The following CYP2A6 variants were observed in gnomAD, a reference collection of about 807,000 sequenced individuals.
The protein encoded by CYP2A6 is cytochrome P450 family 2 subfamily A member 6.
CYP2A6 carries 27 observed loss-of-function variants against 42.3 expected under a neutral mutation model. That is an observed-to-expected ratio of 0.64 (90% confidence interval 0.47 to 0.88). The LOEUF is 0.88. Ranked by LOEUF, CYP2A6 falls within the 40% of genes least tolerant of loss-of-function variation. The pLI, the probability that CYP2A6 is intolerant of heterozygous loss-of-function variation, is 0.00. For synonymous variants in CYP2A6, 238 were observed against 246.3 expected, an observed-to-expected ratio of 0.97 and a Z score of 0.31; for missense variants, 628 against 646.0, an observed-to-expected ratio of 0.97 and a Z score of 0.30.
Position 40,845,302 on chromosome 19 carries a change from G to A in CYP2A6, c.1153C>T (p.Leu385Phe), listed in dbSNP as rs369136003. The A allele has an allele frequency of 3.4e-5, 54 of 1,611,472 alleles. 1 individual carries two copies. Among genetic ancestry groups the A allele is most frequent in the Middle Eastern group, 1.6e-4 (1 of 6,080 alleles). ...KKDTKFRDFF[L>F]PKGTEVYPML... ...GTGGGGGCGGATAGCACCTTAGGGA[G>A]GAAGAAATCCCGAAACTTGGTGTCC... Residue 385 changes from leucine to phenylalanine, a missense_variant, in exon 7 of 9, where the codon CTC (leucine) becomes TTC (phenylalanine). Physicochemically the swap from Leu to Phe is conservative, Grantham distance 22. This residue lies in a region of CYP2A6 where 606 missense variants were observed against 568.1 expected (regional missense o/e 1.07). Transcript: ENST00000301141.
At chr19:40,844,188 T>A (rs2083444378) in intron 8 of CYP2A6, among the ~76,000 whole-genome samples, 1 of 151,048 alleles carries the variant, frequency 6.6e-6, no homozygotes, top group Non-Finnish European at 1.5e-5. Context: ...ATATTATTAC[T>A]AACAAAGTCC....
intron 2 of CYP2A6, among the ~76,000 whole-genome samples, chr19:40,849,085 A>AGAGAGAGG (rs1967173918): frequency 6.8e-6 from 1 of 147,376 alleles, no homozygotes; most frequent in Non-Finnish European, 1.5e-5. Context: ...AGAGAGAGAG[A>AGAGAGAGG]GAGACCAGGT....
At position 40,846,953 on chromosome 19, in the gene CYP2A6, C is replaced by T. The variant is rs374784083; in HGVS notation, c.753G>A (p.Lys251=). Residue 251 remains lysine, a synonymous_variant, in exon 5 of 9, where the codon AAG becomes AAA. Transcript: ENST00000301141. ...CCAGCGTGCGCTGGTTGTGCTCCAC[C>T]TTCTTGGCTATGAAGTCCTCCAGCC... ...LQGLEDFIAK[K]VEHNQRTLDP... 4 of 1,612,120 alleles carry T rather than the reference C, an allele frequency of 2.5e-6. No homozygotes were observed. The South Asian group carries it at 3.3e-5, about 13-fold the overall frequency.
chr19:40,845,700 G>A (rs2316213), intron 6 of CYP2A6, among the ~76,000 whole-genome samples: 8 of 151,468 alleles, frequency 5.3e-5, no homozygotes, highest in African/African-American at 1.2e-4. Context: ...GGAACTTAGG[G>A]GATGACCCGG....
At chr19:40,849,448 G>T (rs569849001) in intron 2 of CYP2A6, among the ~76,000 whole-genome samples, 1 of 151,342 alleles carries the variant, frequency 6.6e-6, no homozygotes, top group African/African-American at 2.4e-5. Context: ...AAAGGGATGC[G>T]GAGAGATGAG....
At position 40,845,408 on chromosome 19, in the gene CYP2A6, C is replaced by T. The variant is rs1312235764; in HGVS notation, c.1047G>A (p.Met349Ile). The T allele has an allele frequency of 1.2e-5, 19 of 1,611,622 alleles. No individual in the cohort carries two copies. The highest frequency in any genetic ancestry group is 1.7e-5 in the Admixed American group (1 of 59,964). ...RQPKFEDRAK[M>I]PYMEAVIHEI... ...CGTGGATCACTGCCTCCATGTAGGG[C>T]ATCTTGGCCCGGTCCTCAAACTTGG... The change falls in exon 7 of 9, where the codon ATG becomes ATA. Residue 349 changes from methionine (M) to isoleucine (I), a missense_variant. Physicochemically the swap from Met to Ile is conservative, Grantham distance 10 (BLOSUM62 1). Around this residue, in one of 2 missense-constraint regions of CYP2A6, gnomAD observed 606 missense variants for 568.1 expected, o/e 1.07. Transcript: ENST00000301141.
chr19:40,847,752 G>C lies in CYP2A6; in HGVS notation c.654+467C>G, dbSNP rs544984580. On this transcript the variant is annotated intron_variant, in intron 4 of 8. Coordinates refer to ENST00000301141, the MANE Select transcript of CYP2A6 (RefSeq NM_000762.6). ...GGGTGAAGTAGAGGGCGCTTGGCCA[G>C]ATATTCCAGTGGGCTAATCTGGGAC... 3.3e-3 allele frequency among the ~76,000 whole-genome samples: 508 copies of C among 151,834 alleles called. 16 individuals are homozygous for C. The highest frequency in any genetic ancestry group is 0.012 in the African/African-American group (499 of 41,378).
chr19:40,849,126 GAA>G, intron 2 of CYP2A6, among the ~76,000 whole-genome samples: 2 of 139,826 alleles, frequency 1.4e-5, no homozygotes, highest in South Asian at 4.8e-4. Flanking sequence ...AAAAGAAACA[GAA>G]AGGCCAGACA....
intron 6 of CYP2A6, 118 bp from the exon 7 acceptor site, chr19:40,845,599 A>C: frequency 6.8e-7 from 1 of 1,474,858 alleles, no homozygotes; most frequent in Non-Finnish European, 9.1e-7. Context: ...GAAGTAGAGC[A>C]TTCATAACAG....
In CYP2A6 at chr19:40,846,069, T is replaced by G. The variant is rs376990868; in HGVS notation, c.860A>C (p.Tyr287Ser). The G allele has an allele frequency of 1.6e-5, 25 of 1,611,452 alleles. 1 individual carries two copies. The highest frequency in any genetic ancestry group is 2.1e-5 in the Non-Finnish European group (25 of 1,179,856). The change falls in exon 6 of 9, where the codon TAC becomes TCC. Residue 287 changes from tyrosine to serine, a missense_variant. Tyr to Ser is a moderately radical substitution (Grantham distance 144). Around this residue, in one of 2 missense-constraint regions of CYP2A6, gnomAD observed 606 missense variants for 568.1 expected, o/e 1.07. Transcript: ENST00000301141. ...EEEKNPNTEF[Y>S]LKNLVMTTLN... ...CGTGGTCATCACCAGGTTTTTCAAG[T>G]AGAACTCCGTGTTGGGGTTCTTCTC...
Position 40,845,363 on chromosome 19 carries a change from G to A in CYP2A6, c.1092C>T (p.Asp364=), listed in dbSNP as rs752841802. 27 of 1,611,572 alleles carry A rather than the reference G, an allele frequency of 1.7e-5. No individual in the cohort carries two copies. Among genetic ancestry groups the A allele is most frequent in the Admixed American group, 3.3e-5 (2 of 59,950 alleles). The part of the protein sequence containing the change: ...AVIHEIQRFG[D]VIPMSLARRV... ...TGCGGGCCAAACTCATGGGGATCAC[G>A]TCTCCAAATCTTTGGATCTCGTGGA... The change falls in exon 7 of 9, where the codon GAC becomes GAT. Residue 364 remains aspartate (D), a synonymous_variant. Transcript: ENST00000301141.
At chr19:40,845,558 G>T (rs1290716639) in intron 6 of CYP2A6, 77 bp from the exon 7 acceptor site, 5 of 1,580,696 alleles carry the variant, frequency 3.2e-6, no homozygotes, top group Non-Finnish European at 4.3e-6. Flanking sequence ...AGGCAAAATG[G>T]GGTGGATGAT....
Position 40,844,658 on chromosome 19 carries a change from T to G in CYP2A6, c.1276A>C (p.Ser426Arg). The G allele has an allele frequency of 2.5e-6, 4 of 1,611,568 alleles. No homozygotes were observed. The highest frequency in any genetic ancestry group is 3.3e-5 in the Admixed American group (2 of 59,958). ...FLNEKGQFKK[S>R]DAFVPFSIGK... is the part of the protein sequence containing the mutation. Reference sequence around the variant, plus strand: ...ATGGAAAAGGGCACAAAAGCATCACTCTTCTTAAACTGCCCCTTCTCATTC... The same window carrying G: ...ATGGAAAAGGGCACAAAAGCATCACGCTTCTTAAACTGCCCCTTCTCATTC... Residue 426 changes from serine to arginine, a missense_variant, in exon 8 of 9, where the codon AGT becomes CGT. Physicochemically the swap from Ser to Arg is moderately radical, Grantham distance 110. Transcript: ENST00000301141.
In CYP2A6 at chr19:40,848,636, G is replaced by C. The variant is rs762417955; in HGVS notation, c.471C>G (p.Ile157Met). 1.2e-6 allele frequency: 2 copies of C among 1,611,802 alleles called. 1 individual carries two copies. The change falls in exon 3 of 9, where the codon ATC becomes ATG. Residue 157 changes from isoleucine (I) to methionine (M), a missense_variant. Ile to Met is a conservative substitution (Grantham distance 10). Coordinates refer to ENST00000301141, the MANE Select transcript of CYP2A6 (RefSeq NM_000762.6). ...CACCGCCAGTGCCCCGGAGGGCGTC[G>C]ATGAGGAAGCCCGCCTCCTCCTGGA... The part of the protein sequence containing the change: ...ERIQEEAGFL[I>M]DALRGTGGAN...
At chr19:40,848,147 A>C (rs1223146544) in intron 4 of CYP2A6, 72 bp downstream of exon 4, 9 of 1,588,672 alleles carry the variant, frequency 5.7e-6, no homozygotes, top group Non-Finnish European at 7.7e-6. Context: ...AGTTTGGGGC[A>C]CCTGTCTCCA....
rs1221755143 is a variant in CYP2A6, at chr19:40,846,105, G to T, written c.832-8C>A. On this transcript the variant is annotated splice_region_variant and splice_polypyrimidine_tract_variant and intron_variant, in intron 5 of 8. Coordinates refer to ENST00000301141, the MANE Select transcript of CYP2A6 (RefSeq NM_000762.6). ...GTTGGGGTTCTTCTCCTCCTGCAGG[G>T]AGAGGGGGCTTTAGGCCAACCTCAC... 1 of 1,611,214 alleles carries T rather than the reference G, an allele frequency of 6.2e-7. No homozygotes were observed. Among genetic ancestry groups the T allele is most frequent in the Admixed American group, 1.7e-5 (1 of 59,928 alleles).
intron 8 of CYP2A6, 106 bp downstream of exon 8, chr19:40,844,525 C>A (rs1439821688): frequency 6.3e-7 from 1 of 1,593,814 alleles, no homozygotes; most frequent in Non-Finnish European, 8.6e-7. Context: ...CTAACAGGAA[C>A]TTCCAAGCTG....
At chr19:40,848,158 G>A in intron 4 of CYP2A6, 61 bp downstream of exon 4, 1 of 1,597,292 alleles carries the variant, frequency 6.3e-7, no homozygotes, top group South Asian at 1.1e-5. Context: ...CCTGTCTCCA[G>A]GTAGGGGAGC....
At position 40,843,786 on chromosome 19, in the gene CYP2A6, C is replaced by G; in HGVS notation, c.*10G>C. ...CCCGCCCACCAGACCTGCACCGGCA[C>G]AGCCCTCGCTCAGCGGGGCAGGAAG... On this transcript the variant is annotated 3_prime_UTR_variant, in exon 9 of 9. Coordinates refer to ENST00000301141, the MANE Select transcript of CYP2A6 (RefSeq NM_000762.6). 6.2e-7 allele frequency: 1 copy of G among 1,602,046 alleles called. No homozygotes were observed. The highest frequency in any genetic ancestry group is 8.5e-7 in the Non-Finnish European group (1 of 1,176,920).
Sources: gnomAD v4.1 joint callset for allele counts (sites outside exome capture counted in the v4.1 genomes callset) on GRCh38, gnomAD v4.1.1 for gene constraint, gnomAD v4.1.1 regional missense constraint, MANE v1.5 for transcripts, NCBI Gene and HGNC (gene_info 2026-07-23, HGNC 2026-07-21) for gene names.